The following PEX5L variants were observed in gnomAD, a reference collection of about 807,000 sequenced individuals.
PEX5L encodes the protein peroxisomal biogenesis factor 5 like.
Under a neutral mutation model 84.0 loss-of-function variants are expected in PEX5L, and 30 were observed. That is an observed-to-expected ratio of 0.36 (90% CI 0.27 to 0.48). PEX5L has a LOEUF of 0.48. Among genes scored for constraint, PEX5L ranks in the 20% least tolerant of loss-of-function variants. The pLI, the probability that PEX5L is intolerant of heterozygous loss-of-function variation, is 0.99. For synonymous variants in PEX5L, 270 were observed against 283.1 expected (o/e 0.95, Z 0.46); for missense variants, 533 against 754.6 (o/e 0.71, Z 3.44).
intron 2 of PEX5L, among the ~76,000 whole-genome samples, chr3:179,957,946 C>A (rs28414068): frequency 6.6e-6 from 1 of 152,080 alleles, no homozygotes; most frequent in East Asian, 1.9e-4. Context: ...CTCTTTTTTG[C>A]AGCTTTGCTT....
intron 2 of PEX5L, among the ~76,000 whole-genome samples, chr3:179,938,175 C>A (rs1366052335): frequency 6.6e-6 from 1 of 152,072 alleles, no homozygotes; most frequent in Non-Finnish European, 1.5e-5. Flanking sequence ...TGCGGCACAC[C>A]TTCTCAAATG....
intron 2 of PEX5L, among the ~76,000 whole-genome samples, chr3:179,953,075 T>C (rs1779539336): frequency 6.6e-6 from 1 of 151,576 alleles, no homozygotes; most frequent in Non-Finnish European, 1.5e-5. Context: ...CTGAACCCCT[T>C]CCTTACCCCT....
intron 1 of PEX5L, among the ~76,000 whole-genome samples, chr3:180,019,822 A>G (rs1790275515): frequency 6.6e-6 from 1 of 152,190 alleles, no homozygotes; most frequent in African/African-American, 2.4e-5. Flanking sequence ...TTTTGATGAG[A>G]TAATCTTTAT....
At chr3:179,929,441 T>C (rs1389084748) in intron 2 of PEX5L, among the ~76,000 whole-genome samples, 1 of 152,138 alleles carries the variant, frequency 6.6e-6, no homozygotes, top group African/African-American at 2.4e-5. Context: ...CTGTATTACA[T>C]TTATTTTACA....
chr3:179,958,553 G>A (rs1387288758), intron 2 of PEX5L, among the ~76,000 whole-genome samples: 1 of 152,134 alleles, frequency 6.6e-6, no homozygotes, highest in African/African-American at 2.4e-5. Flanking sequence ...TAATAAACGT[G>A]GTGTAAGACC....
chr3:179,973,104 T>A, intron 1 of PEX5L: 1 of 1,027,490 alleles, frequency 9.7e-7, no homozygotes, highest in Non-Finnish European at 1.3e-6. Context: ...GTCTAGAGTG[T>A]CTCTAATGTA....
chr3:179,914,417 T>A (rs1766282256), intron 2 of PEX5L, among the ~76,000 whole-genome samples: 1 of 152,214 alleles, frequency 6.6e-6, no homozygotes, highest in South Asian at 2.1e-4. Flanking sequence ...CTCGTCATCT[T>A]TACTTGGTGA....
chr3:179,815,553 C>A (rs999431873), intron 10 of PEX5L, among the ~76,000 whole-genome samples: 1 of 152,174 alleles, frequency 6.6e-6, no homozygotes, highest in Non-Finnish European at 1.5e-5. Flanking sequence ...CCATTTCACA[C>A]CAGCCTGGTT....
chr3:179,968,033 C>T (rs1191369279), intron 2 of PEX5L, among the ~76,000 whole-genome samples: 1 of 152,112 alleles, frequency 6.6e-6, no homozygotes, highest in Non-Finnish European at 1.5e-5. Flanking sequence ...GCACTAAAGG[C>T]TATGAAACTG....
At chr3:179,969,579 G>A (rs1031828567) in intron 2 of PEX5L, among the ~76,000 whole-genome samples, 9 of 151,952 alleles carry the variant, frequency 5.9e-5, no homozygotes, top group East Asian at 1.9e-4. Flanking sequence ...CAACATTGTC[G>A]TTGTTTCAAC....
rs377189247 is a variant in PEX5L at position 179,898,229 on chromosome 3, C to T, written c.111G>A (p.Ala37=). The T allele has an allele frequency of 5.0e-6, 8 of 1,612,616 alleles. No individual in the cohort carries two copies. Among genetic ancestry groups the T allele is most frequent in the African/African-American group, 1.3e-5 (1 of 74,824 alleles). The change falls in exon 3 of 15, where the codon GCG becomes GCA. Residue 37 remains alanine, a synonymous_variant. Coordinates refer to ENST00000467460, the MANE Select transcript of PEX5L (RefSeq NM_016559.3). ...VDQKQGKGSR[A]ADKAVAMVMK... ...TCACCATGGCAACAGCCTTATCTGCCGCCCTAGAGCCTTTTCCCTATAACA... is the reference window on the plus strand; with the variant it reads ...TCACCATGGCAACAGCCTTATCTGCTGCCCTAGAGCCTTTTCCCTATAACA...
intron 1 of PEX5L, chr3:179,973,306 G>A (rs12054457): frequency 0.22 from 278,634 of 1,264,804 alleles, 32,025 homozygotes; most frequent in East Asian, 0.5. Context: ...TTGCTGACCA[G>A]AGAACCACAG....
intron 1 of PEX5L, among the ~76,000 whole-genome samples, chr3:180,015,743 C>T (rs1789886419): frequency 6.6e-6 from 1 of 151,556 alleles, no homozygotes; most frequent in African/African-American, 2.4e-5. Flanking sequence ...GTGAGGAAGC[C>T]AAGCTATAGA....
rs1751434056 is a variant in PEX5L at position 179,874,405 on chromosome 3, A to G, written c.648T>C (p.Ser216=). The G allele has an allele frequency of 6.2e-7, 1 of 1,609,838 alleles. No individual in the cohort carries two copies. The highest frequency in any genetic ancestry group is 1.3e-5 in the African/African-American group (1 of 74,776). ...TTTTTCCACCACTCAGTTCTGGTTG[A>G]GATCTGTGTTCTGAGGACCTATAAG... ...KELLWSSEHR[S]QPELSGGKSA... Residue 216 remains serine (S), a synonymous_variant, in exon 7 of 15, where the codon TCT becomes TCC. Transcript: ENST00000467460.
chr3:179,828,987 A>G (rs1249454178), intron 8 of PEX5L, among the ~76,000 whole-genome samples: 8 of 152,212 alleles, frequency 5.3e-5, no homozygotes, highest in Non-Finnish European at 1.2e-4. Flanking sequence ...AAGAATTAAA[A>G]TAATTTTTGG....
intron 10 of PEX5L, among the ~76,000 whole-genome samples, chr3:179,813,204 C>T (rs1724569526): frequency 6.6e-6 from 1 of 152,134 alleles, no homozygotes; most frequent in Non-Finnish European, 1.5e-5. Flanking sequence ...GTGTCATTTT[C>T]ACTGTCTGCA....
chr3:179,926,035 T>G (rs1771343395), intron 2 of PEX5L, among the ~76,000 whole-genome samples: 1 of 152,276 alleles, frequency 6.6e-6, no homozygotes, highest in African/African-American at 2.4e-5. Flanking sequence ...ATATTTCTGT[T>G]TTTGGCACTA....
At chr3:179,951,331 T>C (rs560845215) in intron 2 of PEX5L, among the ~76,000 whole-genome samples, 12 of 152,294 alleles carry the variant, frequency 7.9e-5, no homozygotes, top group African/African-American at 2.6e-4. Flanking sequence ...CAGGTAGATA[T>C]ATTACCATGC....
At chr3:179,868,249 C>T (rs1749082572) in intron 7 of PEX5L, among the ~76,000 whole-genome samples, 1 of 151,526 alleles carries the variant, frequency 6.6e-6, no homozygotes, top group South Asian at 2.1e-4. Flanking sequence ...AGCTGTGTCA[C>T]CTGGGGAAAA....
Sources: allele counts gnomAD v4.1 joint callset (sites outside exome capture counted in the v4.1 genomes callset), GRCh38; gene constraint gnomAD v4.1.1; transcripts MANE v1.5; gene names NCBI Gene and HGNC (gene_info 2026-07-23, HGNC 2026-07-21).